ACSS3: variants seen among roughly 807,000 people sequenced by gnomAD.
The protein encoded by ACSS3 is acyl-CoA synthetase short chain family member 3.
Under a neutral mutation model 84.2 loss-of-function variants are expected in ACSS3, and 64 were observed. That is an observed-to-expected ratio of 0.76 (90% confidence interval 0.62 to 0.94). ACSS3 has a LOEUF of 0.94. ACSS3 is among the 40% of genes least tolerant of loss of function. The probability of loss-of-function intolerance (pLI) is 0.00; values close to 1 mark genes in which losing one functional copy is unlikely to be tolerated. For missense variants in ACSS3, 815 were observed against 867.6 expected (o/e 0.94, Z 0.76); for synonymous variants, 317 against 310.1 (o/e 1.02, Z -0.23).
intron 7 of ACSS3, chr12:81,158,523 G>A (rs1886993630): frequency 6.5e-6 from 1 of 153,990 alleles, no homozygotes; most frequent in Non-Finnish European, 1.5e-5. Context: ...ACTTGCCAAA[G>A]TCAATGGGCA....
chr12:81,116,966 A>G (rs1210752360), intron 2 of ACSS3, among the ~76,000 whole-genome samples: 1 of 152,142 alleles, frequency 6.6e-6, no homozygotes, highest in Non-Finnish European at 1.5e-5. Context: ...TCTCATTTAA[A>G]GCCCTGATTA....
At chr12:81,242,043 C>T (rs1342418260) in intron 13 of ACSS3, among the ~76,000 whole-genome samples, 5 of 152,044 alleles carry the variant, frequency 3.3e-5, no homozygotes, top group Non-Finnish European at 7.4e-5. Flanking sequence ...CCAGTTTCAG[C>T]TTTCTACATA....
At chr12:81,105,191 C>T (rs1009231745) in intron 1 of ACSS3, among the ~76,000 whole-genome samples, 2 of 152,086 alleles carry the variant, frequency 1.3e-5, no homozygotes, top group African/African-American at 4.8e-5. Context: ...TATTTTAAAG[C>T]GGCCATCATA....
intron 9 of ACSS3, among the ~76,000 whole-genome samples, chr12:81,215,005 C>T (rs1350897795): frequency 6.6e-6 from 1 of 152,134 alleles, no homozygotes; most frequent in Non-Finnish European, 1.5e-5. Flanking sequence ...TTTTAAGCAC[C>T]TCACTCTACA....
chr12:81,179,636 G>A (rs977994811), intron 8 of ACSS3, among the ~76,000 whole-genome samples: 1 of 151,994 alleles, frequency 6.6e-6, no homozygotes, highest in African/African-American at 2.4e-5. Flanking sequence ...CAGGCGTGGT[G>A]GTGGGTGCCT....
intron 2 of ACSS3, among the ~76,000 whole-genome samples, chr12:81,117,191 G>A (rs1181769653): frequency 1.3e-5 from 2 of 152,250 alleles, no homozygotes; most frequent in African/African-American, 2.4e-5. Context: ...TGATCATGGT[G>A]TGAAATTTAT....
intron 2 of ACSS3, among the ~76,000 whole-genome samples, chr12:81,118,495 C>T (rs1884252759): frequency 6.6e-6 from 1 of 152,150 alleles, no homozygotes; most frequent in African/African-American, 2.4e-5. Context: ...TTTCTACACA[C>T]ATCCCATTTG....
At chr12:81,108,526 C>T (rs1227689581) in intron 1 of ACSS3, among the ~76,000 whole-genome samples, 1 of 152,062 alleles carries the variant, frequency 6.6e-6, no homozygotes, top group Non-Finnish European at 1.5e-5. Flanking sequence ...ATCCACCCAC[C>T]TCAGCCTCCC....
intron 9 of ACSS3, among the ~76,000 whole-genome samples, chr12:81,202,046 G>A (rs994482271): frequency 1.3e-5 from 2 of 152,054 alleles, no homozygotes; most frequent in African/African-American, 4.8e-5. Flanking sequence ...TTGGGGGGCC[G>A]AGGTGGGCGG....
At chr12:81,107,019 G>T (rs1270341873) in intron 1 of ACSS3, among the ~76,000 whole-genome samples, 1 of 151,992 alleles carries the variant, frequency 6.6e-6, no homozygotes, top group Non-Finnish European at 1.5e-5. Context: ...GAGGTGGAGT[G>T]AAATGAGTAT....
In ACSS3 at chr12:81,213,855, C is replaced by CCTCTCTTCTG. The variant is rs1565723883; in HGVS notation, c.1355-3046_1355-3045insCTCTCTTCTG. 9.7e-5 allele frequency among the ~76,000 whole-genome samples: 12 copies of CCTCTCTTCTG among 123,228 alleles called. 1 individual carries two copies. The highest frequency in any genetic ancestry group is 1.8e-4 in the Non-Finnish European group (10 of 56,968). The allele number at this position is 123,228 out of a possible 152,430, so 80.8% of individuals were successfully genotyped here. On this transcript the variant is annotated intron_variant, in intron 9 of 15. Transcript: ENST00000548058. ...TCTCTTCTCTTCTCTCCTCTCCTCTCTTCTCTTCCTTTCTTTCTTTCTTTC... is the reference window on the plus strand; with the variant it reads ...TCTCTTCTCTTCTCTCCTCTCCTCTCCTCTCTTCTGTTCTCTTCCTTTCTTTCTTTCTTTC...
At chr12:81,163,644 C>G (rs1887262059) in intron 7 of ACSS3, among the ~76,000 whole-genome samples, 2 of 152,120 alleles carry the variant, frequency 1.3e-5, no homozygotes, top group African/African-American at 2.4e-5. Context: ...TCTATGCTTG[C>G]CCTAGTAGAG....
intron 5 of ACSS3, among the ~76,000 whole-genome samples, chr12:81,151,127 C>T (rs1377551841): frequency 6.6e-6 from 1 of 152,114 alleles, no homozygotes; most frequent in Non-Finnish European, 1.5e-5. Context: ...AAATATTAAT[C>T]TTTCATTTAG....
At chr12:81,199,241 C>T in intron 8 of ACSS3, 100 bp from the exon 9 acceptor site, 1 of 1,016,572 alleles carries the variant, frequency 9.8e-7, no homozygotes, top group Non-Finnish European at 1.4e-6. Flanking sequence ...CTGTATTCCT[C>T]TGACATAATG....
intron 5 of ACSS3, among the ~76,000 whole-genome samples, chr12:81,148,897 TAAAAAAAAAAAAAA>T (rs397851051): frequency 8.6e-5 from 7 of 81,834 alleles, no homozygotes; most frequent in Non-Finnish European, 1.1e-4. Flanking sequence ...CTGCCTCTAC[TAAAAAAAAAAAAAA>T]AAAAAAAAAA....
intron 8 of ACSS3, among the ~76,000 whole-genome samples, chr12:81,181,199 A>T (rs564452662): frequency 6.6e-6 from 1 of 152,248 alleles, no homozygotes; most frequent in South Asian, 2.1e-4. Flanking sequence ...TAAAGCCCTT[A>T]TCATAATAGC....
intron 7 of ACSS3, among the ~76,000 whole-genome samples, chr12:81,165,179 G>A (rs1372458801): frequency 2.6e-5 from 4 of 151,998 alleles, no homozygotes; most frequent in Non-Finnish European, 5.9e-5. Context: ...GTATGTCTAT[G>A]TTTTATGTTG....
At chr12:81,250,708 A>G (rs1275898946) in intron 13 of ACSS3, among the ~76,000 whole-genome samples, 2 of 152,074 alleles carry the variant, frequency 1.3e-5, no homozygotes, top group East Asian at 3.9e-4. Context: ...CATTTTAGGA[A>G]CTCAGGTACA....
At chr12:81,247,221 C>A (rs906601835) in intron 13 of ACSS3, among the ~76,000 whole-genome samples, 1 of 152,082 alleles carries the variant, frequency 6.6e-6, no homozygotes, top group Non-Finnish European at 1.5e-5. Flanking sequence ...TAATTTCCTC[C>A]TTCTAAGAGA....
Sources: gnomAD v4.1 joint callset for allele counts (sites outside exome capture counted in the v4.1 genomes callset) on GRCh38, gnomAD v4.1.1 for gene constraint, MANE v1.5 for transcripts, NCBI Gene and HGNC (gene_info 2026-07-23, HGNC 2026-07-21) for gene names.